The following MCM9 variants were observed in gnomAD, a reference collection of about 807,000 sequenced individuals.
MCM9 encodes DNA helicase MCM9.
In MCM9, 55 loss-of-function variants were observed where a neutral mutation model predicts 72.8. That is an observed-to-expected ratio of 0.76 (90% confidence interval 0.61 to 0.95). MCM9 has a LOEUF of 0.95. Ranked by LOEUF, MCM9 falls within the 40% of genes least tolerant of loss-of-function variation. The pLI, the probability that MCM9 is intolerant of heterozygous loss-of-function variation, is 0.00. For synonymous variants in MCM9, 480 were observed against 503.4 expected (o/e 0.95, Z 0.62); for missense variants, 1,279 against 1,377.0 (o/e 0.93, Z 1.13).
At chr6:118,930,294 T>A (rs930371170) in intron 3 of MCM9, among the ~76,000 whole-genome samples, 4 of 151,982 alleles carry the variant, frequency 2.6e-5, no homozygotes, top group South Asian at 2.1e-4. Flanking sequence ...TTGTATTTTT[T>A]GTAGAGACGG....
At chr6:118,834,736 G>A (rs1163519943) in intron 9 of MCM9, among the ~76,000 whole-genome samples, 1 of 150,402 alleles carries the variant, frequency 6.6e-6, no homozygotes, top group Non-Finnish European at 1.5e-5. Context: ...TAAGTTCTTT[G>A]TAGATTCTGG....
chr6:118,910,116 C>CAA (rs67533661), intron 8 of MCM9, among the ~76,000 whole-genome samples: 50 of 110,740 alleles, frequency 4.5e-4, no homozygotes, highest in Middle Eastern at 4.6e-3. Flanking sequence ...GACTCTATCT[C>CAA]AAAAAAAAAA....
chr6:118,880,526 G>T lies in MCM9; in HGVS notation c.1151-23981C>A, dbSNP rs1297974203. On this transcript the variant is annotated intron_variant, in intron 8 of 13. Coordinates refer to ENST00000619706, the MANE Select transcript of MCM9 (RefSeq NM_017696.3). ...CTTTCAGCCATTTCCTGAAATCTGT[G>T]GCAAAGGTAATTAAAAACTAAGACA... is the stretch of plus-strand genomic sequence containing the variant. 4.6e-5 allele frequency among the ~76,000 whole-genome samples: 7 copies of T among 152,174 alleles called. No individual in the cohort carries two copies. In the East Asian group the frequency reaches 1.3e-3, roughly 29 times the overall value.
At chr6:118,899,124 T>TGC (rs1327277970) in intron 8 of MCM9, among the ~76,000 whole-genome samples, 2 of 152,216 alleles carry the variant, frequency 1.3e-5, no homozygotes, top group African/African-American at 4.8e-5. Flanking sequence ...ACGAGGTCCA[T>TGC]GCCACCATAA....
chr6:118,855,521 C>CT (rs1183961183), intron 9 of MCM9, among the ~76,000 whole-genome samples: 1 of 152,058 alleles, frequency 6.6e-6, no homozygotes, highest in Non-Finnish European at 1.5e-5. Flanking sequence ...CTCTCCCCCC[C>CT]TCCCTCTACC....
intron 9 of MCM9, among the ~76,000 whole-genome samples, chr6:118,843,694 A>G (rs1775638834): frequency 4.9e-5 from 4 of 82,202 alleles, no homozygotes; most frequent in African/African-American, 2.0e-4. Context: ...ATGTGTATAT[A>G]TATATATATG....
At position 118,931,440 on chromosome 6, in the gene MCM9, T is replaced by C; in HGVS notation, c.284A>G (p.Asn95Ser). ...SQPEAVSMKQNLHARISGLPV... is the reference protein window; with the variant it reads ...SQPEAVSMKQSLHARISGLPV... Reference sequence around the variant, plus strand: ...TTTACCTGATATCCTGGCATGAAGATTCTGTTTCATGGAAACAGCCTCAGG... The same window carrying C: ...TTTACCTGATATCCTGGCATGAAGACTCTGTTTCATGGAAACAGCCTCAGG... Residue 95 changes from asparagine to serine, a missense_variant, in exon 3 of 14, where the codon AAT becomes AGT. By Grantham distance (46) the Asn-to-Ser change is conservative (BLOSUM62 1). Coordinates refer to ENST00000619706, the MANE Select transcript of MCM9 (RefSeq NM_017696.3). 5 of 1,611,270 alleles carry C rather than the reference T, an allele frequency of 3.1e-6. No individual in the cohort carries two copies. The highest frequency in any genetic ancestry group is 4.2e-6 in the Non-Finnish European group (5 of 1,177,522).
At chr6:118,819,493 T>C (rs569625812) in intron 13 of MCM9, among the ~76,000 whole-genome samples, 9 of 152,304 alleles carry the variant, frequency 5.9e-5, no homozygotes, top group African/African-American at 2.2e-4. Context: ...GTGGATAAGC[T>C]TTTTGATGTG....
chr6:118,814,960 C>T lies in MCM9; in HGVS notation c.3296G>A (p.Ser1099Asn), dbSNP rs1021150936. Residue 1099 changes from serine (S) to asparagine (N), a missense_variant, in exon 14 of 14, where the codon AGT becomes AAT. Physicochemically the swap from Ser to Asn is conservative, Grantham distance 46. Coordinates refer to ENST00000619706, the MANE Select transcript of MCM9 (RefSeq NM_017696.3). ...PPTTTAPMRV[S>N]KRKSFQLRGS... ...ACGGAGCTGAAAAGATTTCCTTTTACTGACACGCATTGGAGCTGTGGTTGT... is the reference window on the plus strand; with the variant it reads ...ACGGAGCTGAAAAGATTTCCTTTTATTGACACGCATTGGAGCTGTGGTTGT... The T allele has an allele frequency of 5.8e-6, 9 of 1,550,302 alleles. No individual in the cohort carries two copies. The highest frequency in any genetic ancestry group is 5.5e-5 in the African/African-American group (4 of 72,986).
chr6:118,900,072 T>C (rs1432737560), intron 8 of MCM9, among the ~76,000 whole-genome samples: 2 of 152,198 alleles, frequency 1.3e-5, no homozygotes, highest in Non-Finnish European at 2.9e-5. Context: ...CTGAATGTCT[T>C]TTCCTCCTGC....
At chr6:118,820,741 T>C (rs1773743518) in intron 13 of MCM9, among the ~76,000 whole-genome samples, 1 of 152,170 alleles carries the variant, frequency 6.6e-6, no homozygotes, top group South Asian at 2.1e-4. Context: ...CTCCCACTAT[T>C]ATTGTGTGGG....
chr6:118,863,924 T>C (rs1277199954), intron 8 of MCM9, among the ~76,000 whole-genome samples: 32 of 151,988 alleles, frequency 2.1e-4, no homozygotes, highest in Admixed American at 2.1e-3. Context: ...ACTAACTAAA[T>C]ATTAATCCAC....
chr6:118,917,956 C>T, intron 5 of MCM9, 195 bp from the exon 6 acceptor site: 1 of 572,510 alleles, frequency 1.7e-6, no homozygotes, highest in East Asian at 2.8e-5. Flanking sequence ...AGTCATGTAT[C>T]TGTAAAGTGA....
intron 8 of MCM9, among the ~76,000 whole-genome samples, chr6:118,882,717 C>T (rs1583530218): frequency 7.7e-6 from 1 of 130,228 alleles, no homozygotes; most frequent in South Asian, 2.5e-4. Flanking sequence ...AGTGACTGTA[C>T]ACACACGTAA....
chr6:118,828,575 G>A (rs1462837413), intron 10 of MCM9, among the ~76,000 whole-genome samples: 2 of 152,038 alleles, frequency 1.3e-5, no homozygotes, highest in African/African-American at 2.4e-5. Context: ...AGTAGCGATG[G>A]GGTTTCATCA....
At chr6:118,890,376 T>A (rs1778864174) in intron 8 of MCM9, among the ~76,000 whole-genome samples, 1 of 152,234 alleles carries the variant, frequency 6.6e-6, no homozygotes, top group African/African-American at 2.4e-5. Context: ...TATGGGATGA[T>A]ATCTTACCCT....
At chr6:118,913,803 ATG>A (rs768488869) in intron 6 of MCM9, among the ~76,000 whole-genome samples, 17 of 151,958 alleles carry the variant, frequency 1.1e-4, no homozygotes, top group Non-Finnish European at 1.8e-4. Context: ...TGGTCTCACT[ATG>A]TTGCCCAGGC....
At chr6:118,897,345 A>G (rs898153604) in intron 8 of MCM9, among the ~76,000 whole-genome samples, 35 of 152,144 alleles carry the variant, frequency 2.3e-4, no homozygotes, top group Non-Finnish European at 1.2e-4. Context: ...TATAGGGCTT[A>G]TATCAAGGGT....
intron 9 of MCM9, among the ~76,000 whole-genome samples, chr6:118,840,832 G>A (rs1204486293): frequency 1.3e-5 from 2 of 149,486 alleles, no homozygotes; most frequent in South Asian, 4.4e-4. Flanking sequence ...CCACCTCCTG[G>A]GCTCAAGCAA....
Sources: allele counts gnomAD v4.1 joint callset (sites outside exome capture counted in the v4.1 genomes callset), GRCh38; gene constraint gnomAD v4.1.1; transcripts MANE v1.5; gene names NCBI Gene and HGNC (gene_info 2026-07-23, HGNC 2026-07-21).